The following PFKL variants were observed in gnomAD, a reference collection of about 807,000 sequenced individuals.
PFKL encodes the protein phosphofructokinase, liver type, also known as ATP-dependent 6-phosphofructokinase, liver type.
PFKL carries 74 observed loss-of-function variants against 92.1 expected under a neutral mutation model. The ratio of observed to expected loss-of-function variants is 0.80; its 90% CI spans 0.67 to 0.97. The LOEUF (loss-of-function observed/expected upper bound fraction) is 0.97, where lower values mean the gene tolerates loss of function less well. Ranked by LOEUF, PFKL falls within the 50% of genes least tolerant of loss-of-function variation. The pLI, the probability that PFKL is intolerant of heterozygous loss-of-function variation, is 0.00. For missense variants in PFKL, 1,028 were observed against 1,116.6 expected (o/e 0.92, Z 1.13); for synonymous variants, 494 against 456.4 (o/e 1.08, Z -1.05).
chr21:44,305,779 C>A, intron 1 of PFKL: 2 of 1,365,974 alleles, frequency 1.5e-6, no homozygotes, highest in Non-Finnish European at 2.0e-6. Context: ...TGCCGCCTCC[C>A]CCGTTAATGT....
intron 7 of PFKL, chr21:44,314,351 G>C (rs2047141504): frequency 3.2e-6 from 1 of 313,886 alleles, no homozygotes; most frequent in Admixed American, 4.8e-5. Flanking sequence ...GTGGGAGGTG[G>C]TTGGTTGTGA....
chr21:44,306,639 C>T (rs1352025759), intron 1 of PFKL, 42 bp from the exon 2 acceptor site: 2 of 1,580,142 alleles, frequency 1.3e-6, no homozygotes, highest in African/African-American at 1.3e-5. Flanking sequence ...CAGGGCCTTG[C>T]TTCTCAGCGT....
Position 44,311,050 on chromosome 21 carries a change from C to T in PFKL, c.204C>T (p.Ala68=), listed in dbSNP as rs1437800256. The change falls in exon 3 of 22, where the codon GCC becomes GCT. Residue 68 remains alanine (A), a synonymous_variant. Coordinates refer to ENST00000349048, the MANE Select transcript of PFKL (RefSeq NM_002626.6). The stretch of plus-strand genomic sequence containing the variant: ...AGGGAGGTGAGAACATCAAGCAGGC[C>T]AACTGGCTGAGCGTCTCCAACATCA... ...LVEGGENIKQ[A]NWLSVSNIIQ... 1 of 1,612,970 alleles carries T rather than the reference C, an allele frequency of 6.2e-7. No homozygotes were observed. The highest frequency in any genetic ancestry group is 1.3e-5 in the African/African-American group (1 of 74,878).
chr21:44,302,767 T>C (rs556458164), intron 1 of PFKL, among the ~76,000 whole-genome samples: 2 of 151,978 alleles, frequency 1.3e-5, no homozygotes, highest in South Asian at 2.1e-4. Context: ...TGAAAGGGGG[T>C]TGGGGACAAG....
At chr21:44,304,888 G>T (rs1476683081) in intron 1 of PFKL, among the ~76,000 whole-genome samples, 1 of 152,014 alleles carries the variant, frequency 6.6e-6, no homozygotes, top group Non-Finnish European at 1.5e-5. Flanking sequence ...GTGGGGATGT[G>T]AGGGAGGCAC....
rs767037965 is a variant in PFKL, at chr21:44,326,906, G to C, written c.*44G>C. 1.2e-5 allele frequency: 19 copies of C among 1,548,324 alleles called. No individual in the cohort carries two copies. The South Asian group carries it at 2.1e-4, about 17-fold the overall frequency. ...CCCTCCCCAGCCCCCACCCATGCCA[G>C]CGCAGCGCCAGGGCTCAGATGGGGC... On this transcript the variant is annotated 3_prime_UTR_variant, in exon 22 of 22. Coordinates refer to ENST00000349048, the MANE Select transcript of PFKL (RefSeq NM_002626.6).
rs370529628 is a variant in PFKL at position 44,316,417 on chromosome 21, C to T, written c.844-15C>T. On this transcript the variant is annotated splice_polypyrimidine_tract_variant and intron_variant, in intron 8 of 21. Transcript: ENST00000349048. ...GGGCTGGGGCTCAGGGCTGGTCCTT[C>T]CCACTGTCCTGCAGCTGGTGGTTCA... is the stretch of plus-strand genomic sequence containing the variant. 53 of 1,612,306 alleles carry T rather than the reference C, an allele frequency of 3.3e-5. No individual in the cohort carries two copies. Among genetic ancestry groups the T allele is most frequent in the Non-Finnish European group, 3.9e-5 (46 of 1,179,304 alleles).
chr21:44,302,626 G>A (rs1412453189), intron 1 of PFKL, among the ~76,000 whole-genome samples: 2 of 152,238 alleles, frequency 1.3e-5, no homozygotes, highest in African/African-American at 4.8e-5. Context: ...CAGCAGGAGA[G>A]TGGGGACTGG....
chr21:44,321,997 C>T, intron 13 of PFKL, 122 bp downstream of exon 13: 3 of 1,437,196 alleles, frequency 2.1e-6, no homozygotes, highest in Non-Finnish European at 2.8e-6. Flanking sequence ...GTGTCGGTGC[C>T]CACCCGGGCC....
In PFKL at chr21:44,316,534, C is replaced by T. The variant is rs766183411; in HGVS notation, c.936+10C>T. The T allele has an allele frequency of 3.9e-5, 62 of 1,581,870 alleles. No homozygotes were observed. Among genetic ancestry groups the T allele is most frequent in the Non-Finnish European group, 5.3e-5 (61 of 1,160,686 alleles). Reference sequence around the variant, plus strand: ...CTTCGACCGGATCCTGGTAAGTGGCCATCACCCTGCCCTGCGTACGTGCGT... The same window carrying T: ...CTTCGACCGGATCCTGGTAAGTGGCTATCACCCTGCCCTGCGTACGTGCGT... On this transcript the variant is annotated intron_variant, in intron 9 of 21. Transcript: ENST00000349048.
At chr21:44,316,388 G>T in intron 8 of PFKL, 44 bp from the exon 9 acceptor site, 1 of 1,610,698 alleles carries the variant, frequency 6.2e-7, no homozygotes, top group African/African-American at 1.3e-5. Flanking sequence ...CCTCTAGGCC[G>T]TGTGGGCTGG....
At chr21:44,301,262 T>C (rs1291195435) in intron 1 of PFKL, among the ~76,000 whole-genome samples, 3 of 152,196 alleles carry the variant, frequency 2.0e-5, no homozygotes, top group African/African-American at 7.2e-5. Context: ...AGGGGGCTCC[T>C]TCAGACCTGG....
At position 44,312,264 on chromosome 21, in the gene PFKL, G is replaced by C; in HGVS notation, c.397G>C (p.Gly133Arg). 3.8e-6 allele frequency: 6 copies of C among 1,596,776 alleles called. No individual in the cohort carries two copies. The highest frequency in any genetic ancestry group is 5.1e-6 in the Non-Finnish European group (6 of 1,173,080). ...TGANIFRSEW[G>R]SLLEELVAEG... Reference sequence around the variant, plus strand: ...TGCCAACATCTTCCGCAGCGAGTGGGGCAGCCTGCTGGAGGAGCTGGTGGC... The same window carrying C: ...TGCCAACATCTTCCGCAGCGAGTGGCGCAGCCTGCTGGAGGAGCTGGTGGC... The change falls in exon 4 of 22, where the codon GGC becomes CGC. Residue 133 changes from glycine to arginine, a missense_variant. Transcript: ENST00000349048.
At chr21:44,311,478 A>ATGC (rs1258704769) in intron 3 of PFKL, among the ~76,000 whole-genome samples, 3 of 152,228 alleles carry the variant, frequency 2.0e-5, no homozygotes, top group Non-Finnish European at 4.4e-5. Context: ...AGACACACAG[A>ATGC]TGCGCACACA....
rs1297869403 is a variant in PFKL, at chr21:44,322,146, G to C, written c.1352G>C (p.Gly451Ala). The part of the protein sequence containing the change: ...GLAKGQVQEV[G>A]WHDVAGWLGR... Reference sequence around the variant, plus strand: ...TCCTCCTGGCAGGTGCAAGAAGTAGGCTGGCACGACGTGGCCGGCTGGTTG... The same window carrying C: ...TCCTCCTGGCAGGTGCAAGAAGTAGCCTGGCACGACGTGGCCGGCTGGTTG... Residue 451 changes from glycine to alanine, a missense_variant, in exon 14 of 22, where the codon GGC becomes GCC. Coordinates refer to ENST00000349048, the MANE Select transcript of PFKL (RefSeq NM_002626.6). The C allele has an allele frequency of 6.2e-7, 1 of 1,606,208 alleles. No individual in the cohort carries two copies. Among genetic ancestry groups the C allele is most frequent in the South Asian group, 1.1e-5 (1 of 90,844 alleles).
At chr21:44,306,647 C>T (rs758257870) in intron 1 of PFKL, 34 bp from the exon 2 acceptor site, 34 of 1,598,000 alleles carry the variant, frequency 2.1e-5, no homozygotes, top group Admixed American at 5.1e-5. Flanking sequence ...TGCTTCTCAG[C>T]GTGGGACTGA....
At chr21:44,324,185 G>C (rs1002311992) in intron 16 of PFKL, among the ~76,000 whole-genome samples, 29 of 152,154 alleles carry the variant, frequency 1.9e-4, no homozygotes, top group Admixed American at 9.8e-4. Flanking sequence ...CCCCAGTGCT[G>C]GGTAGTCTAA....
intron 1 of PFKL, chr21:44,305,303 C>T: frequency 2.2e-6 from 3 of 1,363,494 alleles, no homozygotes; most frequent in Non-Finnish European, 2.9e-6. Flanking sequence ...GAGCCCCACG[C>T]CAAGCTGGAG....
intron 2 of PFKL, 121 bp from the exon 3 acceptor site, chr21:44,310,885 C>A (rs1476146629): frequency 5.8e-6 from 4 of 695,444 alleles, no homozygotes; most frequent in Non-Finnish European, 1.0e-5. Flanking sequence ...GATGGTGGGG[C>A]CTCACAGTCA....
Sources: gnomAD v4.1 joint callset for allele counts (sites outside exome capture counted in the v4.1 genomes callset) on GRCh38, gnomAD v4.1.1 for gene constraint, MANE v1.5 for transcripts, NCBI Gene and HGNC (gene_info 2026-07-23, HGNC 2026-07-21) for gene names.